The following MTX1 variants were observed in gnomAD, a reference collection of about 807,000 sequenced individuals.
MTX1 encodes metaxin-1.
Under a neutral mutation model 39.4 loss-of-function variants are expected in MTX1, and 20 were observed. The observed-to-expected ratio is 0.51, with a 90% CI of 0.36 to 0.74. The LOEUF (loss-of-function observed/expected upper bound fraction) is 0.74, where lower values mean the gene tolerates loss of function less well. Among genes scored for constraint, MTX1 ranks in the 30% least tolerant of loss-of-function variants. The pLI is 0.00. For synonymous variants in MTX1, 209 were observed against 198.6 expected (o/e 1.05, Z -0.44); for missense variants, 481 against 485.9 (o/e 0.99, Z 0.10).
chr1:155,212,509 G>C lies in MTX1; in HGVS notation c.896G>C (p.Arg299Pro). The C allele has an allele frequency of 1.9e-6, 3 of 1,613,872 alleles. No individual in the cohort carries two copies. The highest frequency in any genetic ancestry group is 2.5e-6 in the Non-Finnish European group (3 of 1,179,806). The change falls in exon 5 of 8, where the codon CGG (arginine) becomes CCG (proline). Residue 299 changes from arginine (R) to proline (P), a missense_variant. By Grantham distance (103) the Arg-to-Pro change is moderately radical (BLOSUM62 -2). This residue lies in a region of MTX1 where 113 missense variants were observed against 153.2 expected (regional missense o/e 0.74). Transcript: ENST00000368376. ...CGCATGCAGCGGCAGTACATGGAAC[G>C]GCTACAGCTGCTGACTGGGGAGCAC... ...PGRMQRQYME[R>P]LQLLTGEHRP...
intron 3 of MTX1, chr1:155,211,452 A>C (rs1003564630): frequency 2.6e-5 from 4 of 152,574 alleles, no homozygotes; most frequent in African/African-American, 9.7e-5. Context: ...AGGCTTAGGG[A>C]GATTTAAGGA....
Position 155,213,500 on chromosome 1 carries a change from A to G in MTX1, c.1203A>G (p.Gln401=). 1.2e-5 allele frequency: 2 copies of G among 165,454 alleles called. No individual in the cohort carries two copies. The highest frequency in any genetic ancestry group is 2.1e-5 in the Non-Finnish European group (2 of 95,612). 10.2% of individuals were successfully genotyped at this position (165,454 alleles called of 1,614,324 possible). A position where few individuals can be genotyped will look rare whatever the true frequency, so the allele number is the denominator to read the frequency against. ...GACCCTCAGCTGAGGTACCACCGCAACGCCAGACACCAGCAGGCCCAGAGA... is the reference window on the plus strand; with the variant it reads ...GACCCTCAGCTGAGGTACCACCGCAGCGCCAGACACCAGCAGGCCCAGAGA... ...FPWDGAEVPP[Q]RQTPAGPETE... is the part of the protein sequence containing the mutation. The change falls in exon 8 of 8, where the codon CAA becomes CAG. Residue 401 remains glutamine, a synonymous_variant. Coordinates refer to ENST00000368376, the MANE Select transcript of MTX1 (RefSeq NM_002455.5).
chr1:155,209,130 C>T lies in MTX1; in HGVS notation c.326C>T (p.Ser109Phe), dbSNP rs1384451406. 2.7e-5 allele frequency: 41 copies of T among 1,540,924 alleles called. No homozygotes were observed. Among genetic ancestry groups the T allele is most frequent in the Non-Finnish European group, 3.5e-5 (40 of 1,142,112 alleles). Residue 109 changes from serine to phenylalanine, a missense_variant, in exon 1 of 8, where the codon TCC becomes TTC. Ser to Phe is a radical substitution (Grantham distance 155). Transcript: ENST00000368376. ...AASRARRSLA[S>F]PGISPGPLTA... ...AGTCGGGCCAGAAGAAGCCTCGCCT[C>T]CCCGGGGATCTCCCCAGGCCCCCTG...
rs750522511 is a variant in MTX1 at position 155,210,389 on chromosome 1, T to G, written c.572T>G (p.Ile191Ser). 14 of 1,614,168 alleles carry G rather than the reference T, an allele frequency of 8.7e-6. No homozygotes were observed. The South Asian group carries it at 1.1e-4, about 13-fold the overall frequency. ...FTGAPLKVHK[I>S]SNPWQSPSGT... ...GGTGCTCCACTGAAGGTACACAAGA[T>G]CAGCAACCCCTGGCAGAGCCCTTCA... The change falls in exon 2 of 8, where the codon ATC (isoleucine) becomes AGC (serine). Residue 191 changes from isoleucine to serine, a missense_variant. Ile to Ser is a moderately radical substitution (Grantham distance 142, BLOSUM62 -2). Transcript: ENST00000368376.
Position 155,212,377 on chromosome 1 carries a change from C to G in MTX1, c.772-8C>G, listed in dbSNP as rs765228530. On this transcript the variant is annotated splice_region_variant and splice_polypyrimidine_tract_variant and intron_variant, in intron 4 of 7. Coordinates refer to ENST00000368376, the MANE Select transcript of MTX1 (RefSeq NM_002455.5). Reference sequence around the variant, plus strand: ...ACCTACCTGTTTCTTCCTGCCCACCCAATCCAGGTACATACTTTTTGGATA... The same window carrying G: ...ACCTACCTGTTTCTTCCTGCCCACCGAATCCAGGTACATACTTTTTGGATA... The G allele has an allele frequency of 6.2e-7, 1 of 1,613,940 alleles. No individual in the cohort carries two copies. Among genetic ancestry groups the G allele is most frequent in the Middle Eastern group, 1.7e-4 (1 of 6,060 alleles).
chr1:155,209,878 T>A (rs1378612413), intron 1 of MTX1, among the ~76,000 whole-genome samples: 1 of 152,254 alleles, frequency 6.6e-6, no homozygotes, highest in Non-Finnish European at 1.5e-5. Flanking sequence ...TTCCAAATAT[T>A]AAACATTGCC....
intron 3 of MTX1, chr1:155,211,786 G>A: frequency 5.2e-6 from 1 of 193,134 alleles, no homozygotes; most frequent in East Asian, 1.4e-4. Flanking sequence ...TGGTGTCTGG[G>A]TCGGGGAAGT....
chr1:155,210,470 A>G (rs1671082443), intron 2 of MTX1, 55 bp downstream of exon 2: 2 of 1,607,026 alleles, frequency 1.2e-6, no homozygotes, highest in Non-Finnish European at 1.7e-6. Context: ...AGAAGCAAGA[A>G]ATAGGCAGGA....
Position 155,209,241 on chromosome 1 carries a change from G to C in MTX1, c.437G>C (p.Arg146Thr). 6.9e-7 allele frequency: 1 copy of C among 1,447,584 alleles called. No homozygotes were observed. Among genetic ancestry groups the C allele is most frequent in the Non-Finnish European group, 9.1e-7 (1 of 1,097,016 alleles). 89.7% of individuals were successfully genotyped at this position (1,447,584 alleles called of 1,614,324 possible). Residue 146 changes from arginine to threonine, a missense_variant, in exon 1 of 8, where the codon AGG (arginine) becomes ACG (threonine). Arg to Thr is a moderately conservative substitution (Grantham distance 71). Around this residue, in one of 2 missense-constraint regions of MTX1, gnomAD observed 368 missense variants for 332.8 expected, o/e 1.11. Coordinates refer to ENST00000368376, the MANE Select transcript of MTX1 (RefSeq NM_002455.5). ...EAHKEVFPGQ[R>T]VGKMAAPMEL... ...CACAAGGAAGTGTTTCCGGGACAGA[G>C]GGTGGGCAAGATGGCGGCGCCCATG...
intron 3 of MTX1, chr1:155,210,946 G>T (rs1571948598): frequency 7.5e-6 from 3 of 398,226 alleles, no homozygotes; most frequent in Admixed American, 4.1e-5. Context: ...CAGGGACTAG[G>T]TTGGGCTAGA....
rs1417279318 is a variant in MTX1 at position 155,210,429 on chromosome 1, C to G, written c.598+14C>G. 1 of 1,612,926 alleles carries G rather than the reference C, an allele frequency of 6.2e-7. No individual in the cohort carries two copies. The highest frequency in any genetic ancestry group is 1.3e-5 in the African/African-American group (1 of 74,876). On this transcript the variant is annotated intron_variant, in intron 2 of 7. Coordinates refer to ENST00000368376, the MANE Select transcript of MTX1 (RefSeq NM_002455.5). ...AGAGCCCTTCAGGTACCCAGTATCC[C>G]TTGGGGGTAAGGAAGGGTGTGTACA...
At position 155,212,718 on chromosome 1, in the gene MTX1, C is replaced by T. The variant is rs1361234795; in HGVS notation, c.979C>T (p.Leu327=). 1.9e-6 allele frequency: 3 copies of T among 1,603,102 alleles called. No individual in the cohort carries two copies. The South Asian group carries it at 3.3e-5, about 18-fold the overall frequency. Residue 327 remains leucine (L), a synonymous_variant, in exon 6 of 8, where the codon CTG becomes TTG. Transcript: ENST00000368376. ...KELYREAREC[L]TLLSQRLGSQ... The stretch of plus-strand genomic sequence containing the variant: ...GCTGTACCGAGAGGCTCGGGAGTGT[C>T]TGACCCTGCTCTCTCAGCGCCTGGG...
chr1:155,210,187 G>C (rs1183050712), intron 1 of MTX1, among the ~76,000 whole-genome samples, 159 bp from the exon 2 acceptor site: 1 of 152,170 alleles, frequency 6.6e-6, no homozygotes, highest in East Asian at 1.9e-4. Flanking sequence ...TTGTCCATTT[G>C]TAAAATAGAA....
chr1:155,208,828 C>G lies in MTX1; in HGVS notation c.24C>G (p.Arg8=). 6.3e-7 allele frequency: 1 copy of G among 1,577,660 alleles called. No homozygotes were observed. The highest frequency in any genetic ancestry group is 8.6e-7 in the Non-Finnish European group (1 of 1,159,270). MLLGGPP[R]SPRSGTSPKG... ...ACATGCTGCTCGGGGGACCCCCCCG[C>G]AGTCCCCGCTCGGGGACGAGCCCCA... Residue 8 remains arginine (R), a synonymous_variant, in exon 1 of 8, where the codon CGC becomes CGG. Transcript: ENST00000368376.
At chr1:155,210,780 G>A (rs755438829) in intron 3 of MTX1, 153 bp downstream of exon 3, 19 of 717,340 alleles carry the variant, frequency 2.6e-5, no homozygotes, top group Non-Finnish European at 3.6e-5. Flanking sequence ...CACACACAAT[G>A]TCACTGTGAT....
In MTX1 at chr1:155,212,733, C is replaced by A; in HGVS notation, c.994C>A (p.Gln332Lys). The A allele has an allele frequency of 1.3e-6, 2 of 1,599,774 alleles. No homozygotes were observed. The highest frequency in any genetic ancestry group is 2.3e-5 in the East Asian group (1 of 44,166). The change falls in exon 6 of 8, where the codon CAG becomes AAG. Residue 332 changes from glutamine (Q) to lysine (K), a missense_variant. Coordinates refer to ENST00000368376, the MANE Select transcript of MTX1 (RefSeq NM_002455.5). ...EARECLTLLS[Q>K]RLGSQKFFFG... ...TCGGGAGTGTCTGACCCTGCTCTCT[C>A]AGCGCCTGGGCTCTCAAAAGTTCTT...
In MTX1 at chr1:155,212,779, G is replaced by T. The variant is rs1324962627; in HGVS notation, c.1031+9G>T. 1.9e-6 allele frequency: 3 copies of T among 1,576,576 alleles called. No homozygotes were observed. The highest frequency in any genetic ancestry group is 1.2e-5 in the South Asian group (1 of 86,496). ...TTCTTCTTTGGAGATGCGTGAGTCT[G>T]ACTCCAAGAGGGTAATGGGTGGCTT... On this transcript the variant is annotated intron_variant, in intron 6 of 7. Transcript: ENST00000368376.
chr1:155,212,783 C>A lies in MTX1; in HGVS notation c.1031+13C>A. 4 of 1,570,508 alleles carry A rather than the reference C, an allele frequency of 2.5e-6. No individual in the cohort carries two copies. Among genetic ancestry groups the A allele is most frequent in the Non-Finnish European group, 3.5e-6 (4 of 1,157,838 alleles). On this transcript the variant is annotated intron_variant, in intron 6 of 7. Transcript: ENST00000368376. Reference sequence around the variant, plus strand: ...TCTTTGGAGATGCGTGAGTCTGACTCCAAGAGGGTAATGGGTGGCTTGGAA... The same window carrying A: ...TCTTTGGAGATGCGTGAGTCTGACTACAAGAGGGTAATGGGTGGCTTGGAA...
At chr1:155,210,653 G>T (rs553710970) in intron 3 of MTX1, 26 bp downstream of exon 3, 37 of 1,593,926 alleles carry the variant, frequency 2.3e-5, no homozygotes, top group Admixed American at 8.3e-5. Context: ...AGAGGGGGCT[G>T]CCAGTGAGAG....
Sources: allele counts gnomAD v4.1 joint callset (sites outside exome capture counted in the v4.1 genomes callset), GRCh38; gene constraint gnomAD v4.1.1; regional missense constraint gnomAD v4.1.1; transcripts MANE v1.5; gene names NCBI Gene and HGNC (gene_info 2026-07-23, HGNC 2026-07-21).